The following MAGI2 variants were observed in gnomAD, a reference collection of about 807,000 sequenced individuals.
The protein encoded by MAGI2 is membrane-associated guanylate kinase, WW and PDZ domain-containing protein 2.
In MAGI2, 35 loss-of-function variants were observed where a neutral mutation model predicts 133.3. The observed-to-expected ratio is 0.26, with a 90% CI of 0.20 to 0.35. The LOEUF (loss-of-function observed/expected upper bound fraction) is 0.35. MAGI2 is among the 10% of genes least tolerant of loss of function. The pLI is 1.00. For missense variants in MAGI2, 1,636 were observed against 1,863.4 expected (o/e 0.88, Z 2.25); for synonymous variants, 729 against 710.6 (o/e 1.03, Z -0.41).
At chr7:79,349,155 C>A (rs569492925) in intron 1 of MAGI2, among the ~76,000 whole-genome samples, 203 of 151,818 alleles carry the variant, frequency 1.3e-3, no homozygotes, top group Non-Finnish European at 2.3e-3. Flanking sequence ...TGATTCATTC[C>A]TTTTATCAAT....
chr7:78,800,341 T>A (rs1327874049), intron 2 of MAGI2, among the ~76,000 whole-genome samples: 3 of 152,124 alleles, frequency 2.0e-5, no homozygotes, highest in African/African-American at 7.2e-5. Flanking sequence ...GTGATCCACA[T>A]AGTCATTCAG....
At chr7:79,422,058 T>C (rs748615833) in intron 1 of MAGI2, among the ~76,000 whole-genome samples, 6 of 152,030 alleles carry the variant, frequency 3.9e-5, no homozygotes, top group Non-Finnish European at 7.4e-5. Flanking sequence ...AGAATGATAT[T>C]GAAATAAAGT....
At chr7:79,260,808 C>T (rs1204943830) in intron 1 of MAGI2, among the ~76,000 whole-genome samples, 1 of 152,176 alleles carries the variant, frequency 6.6e-6, no homozygotes, top group African/African-American at 2.4e-5. Flanking sequence ...CCCAAGATAT[C>T]TCATTATGTA....
At chr7:78,517,588 T>G (rs1796147568) in intron 4 of MAGI2, among the ~76,000 whole-genome samples, 1 of 152,226 alleles carries the variant, frequency 6.6e-6, no homozygotes, top group South Asian at 2.1e-4. Context: ...GGTACATTGT[T>G]TGTATCCATT....
chr7:78,890,107 AC>A (rs1563629565), intron 2 of MAGI2, among the ~76,000 whole-genome samples: 1 of 152,206 alleles, frequency 6.6e-6, no homozygotes, highest in Non-Finnish European at 1.5e-5. Flanking sequence ...CTTTAAACCA[AC>A]AAAAATCAAA....
chr7:79,005,285 T>C (rs1405173847), intron 2 of MAGI2, among the ~76,000 whole-genome samples: 1 of 152,152 alleles, frequency 6.6e-6, no homozygotes, highest in South Asian at 2.1e-4. Context: ...AGAATAATTG[T>C]TTCATCGTGA....
At position 79,197,256 on chromosome 7, in the gene MAGI2, G is replaced by A. The variant is rs1158243717; in HGVS notation, c.302-190050C>T. Among the ~76,000 whole-genome samples, 3 of 151,778 alleles carry A rather than the reference G, an allele frequency of 2.0e-5. 1 individual carries two copies. Among genetic ancestry groups the A allele is most frequent in the African/African-American group, 7.3e-5 (3 of 41,198 alleles). ...GCTGCTTGCCAGAAACGTGATTTTT[G>A]ACTGACTTACCAATTAAGTGAGTTT... On this transcript the variant is annotated intron_variant, in intron 1 of 21. Transcript: ENST00000354212.
At chr7:79,360,418 A>T (rs1299374074) in intron 1 of MAGI2, among the ~76,000 whole-genome samples, 1 of 137,574 alleles carries the variant, frequency 7.3e-6, no homozygotes, top group African/African-American at 2.9e-5. Context: ...AATGAAAGAA[A>T]ACTAGAACAT....
chr7:78,363,798 G>A (rs1224545039), intron 7 of MAGI2, among the ~76,000 whole-genome samples: 2 of 152,082 alleles, frequency 1.3e-5, no homozygotes, highest in Admixed American at 1.3e-4. Context: ...GAATAAGACC[G>A]CTTAGGTTCA....
At chr7:79,259,582 G>A (rs1337776461) in intron 1 of MAGI2, among the ~76,000 whole-genome samples, 1 of 152,148 alleles carries the variant, frequency 6.6e-6, no homozygotes, top group South Asian at 2.1e-4. Context: ...GTAAGTGGTA[G>A]TGTCCTTCTT....
intron 3 of MAGI2, among the ~76,000 whole-genome samples, chr7:78,612,736 C>G (rs11976202): frequency 0.014 from 2,090 of 151,996 alleles, 57 homozygotes; most frequent in African/African-American, 0.048. Flanking sequence ...GTGGAGGGAT[C>G]TCTGCTCAGT....
At chr7:79,218,399 G>A (rs1382312915) in intron 1 of MAGI2, among the ~76,000 whole-genome samples, 2 of 152,020 alleles carry the variant, frequency 1.3e-5, no homozygotes. Flanking sequence ...CGTCAGGTGG[G>A]GAGATGAACT....
intron 6 of MAGI2, among the ~76,000 whole-genome samples, chr7:78,472,816 A>G (rs1258400766): frequency 3.9e-5 from 6 of 152,126 alleles, no homozygotes; most frequent in African/African-American, 1.4e-4. Flanking sequence ...CTATAGTGGT[A>G]CTGATGCTTG....
At chr7:79,235,015 C>G (rs1316547062) in intron 1 of MAGI2, among the ~76,000 whole-genome samples, 1 of 151,616 alleles carries the variant, frequency 6.6e-6, no homozygotes, top group Non-Finnish European at 1.5e-5. Context: ...TTCTAACAGA[C>G]AGTATCCTCA....
At chr7:78,737,646 A>G (rs1287843802) in intron 2 of MAGI2, among the ~76,000 whole-genome samples, 1 of 152,230 alleles carries the variant, frequency 6.6e-6, no homozygotes, top group Non-Finnish European at 1.5e-5. Flanking sequence ...TCTTCTATGA[A>G]GCCAGAAATT....
At chr7:79,378,926 G>GTATATATATATATATATA (rs59388508) in intron 1 of MAGI2, among the ~76,000 whole-genome samples, 1 of 94,600 alleles carries the variant, frequency 1.1e-5, no homozygotes, top group Non-Finnish European at 2.3e-5. Flanking sequence ...ATGTGTGTGT[G>GTATATATATATATATATA]TATATATATA....
At chr7:78,910,316 A>AACTT (rs960034059) in intron 2 of MAGI2, among the ~76,000 whole-genome samples, 2 of 151,256 alleles carry the variant, frequency 1.3e-5, no homozygotes, top group African/African-American at 2.4e-5. Flanking sequence ...AACCAAGTCA[A>AACTT]ACTTTGGAAT....
chr7:78,735,391 A>C (rs1343530660), intron 2 of MAGI2, among the ~76,000 whole-genome samples: 1 of 152,214 alleles, frequency 6.6e-6, no homozygotes, highest in Non-Finnish European at 1.5e-5. Context: ...AGTAACAGCT[A>C]ACTGGACTAT....
chr7:78,302,484 G>A (rs1166972069), intron 9 of MAGI2, among the ~76,000 whole-genome samples: 1 of 152,184 alleles, frequency 6.6e-6, no homozygotes, highest in African/African-American at 2.4e-5. Context: ...AGATCAAGTT[G>A]TAGTTGAAAT....
Sources: gnomAD v4.1 joint callset for allele counts (sites outside exome capture counted in the v4.1 genomes callset) on GRCh38, gnomAD v4.1.1 for gene constraint, MANE v1.5 for transcripts, NCBI Gene and HGNC (gene_info 2026-07-23, HGNC 2026-07-21) for gene names.